The following CSMD1 variants were observed in gnomAD, a reference collection of about 807,000 sequenced individuals.
CSMD1 encodes CUB and sushi domain-containing protein 1.
In CSMD1, 213 loss-of-function variants were observed where a neutral mutation model predicts 417.5. The ratio of observed to expected loss-of-function variants is 0.51; its 90% CI spans 0.46 to 0.57. The LOEUF (loss-of-function observed/expected upper bound fraction) is 0.57, where lower values mean the gene tolerates loss of function less well. Ranked by LOEUF, CSMD1 falls within the 20% of genes least tolerant of loss-of-function variation. The probability of loss-of-function intolerance (pLI) is 0.00; values close to 1 mark genes in which losing one functional copy is unlikely to be tolerated. For synonymous variants in CSMD1, 2,862 were observed against 1,736.8 expected, an observed-to-expected ratio of 1.65 and a Z score of -16.11; for missense variants, 6,923 against 4,529.7, an observed-to-expected ratio of 1.53 and a Z score of -15.17.
intron 24 of CSMD1, 103 bp downstream of exon 24, chr8:3,308,209 G>A (rs1239657776): frequency 1.1e-6 from 1 of 873,352 alleles, no homozygotes; most frequent in African/African-American, 1.7e-5. Flanking sequence ...TGGAAAGTGT[G>A]ATAAAATTCC....
At chr8:4,780,593 T>C (rs984148432) in intron 1 of CSMD1, among the ~76,000 whole-genome samples, 1 of 150,424 alleles carries the variant, frequency 6.6e-6, no homozygotes, top group Non-Finnish European at 1.5e-5. Context: ...CCATAAGTTA[T>C]TGGGGTACAG....
At chr8:4,708,773 T>C (rs1247107256) in intron 1 of CSMD1, among the ~76,000 whole-genome samples, 1 of 152,126 alleles carries the variant, frequency 6.6e-6, no homozygotes, top group Non-Finnish European at 1.5e-5. Flanking sequence ...TGGGACTATA[T>C]TTGGAGAGAA....
At chr8:4,925,067 G>C (rs1806762350) in intron 1 of CSMD1, among the ~76,000 whole-genome samples, 2 of 152,244 alleles carry the variant, frequency 1.3e-5, no homozygotes, top group African/African-American at 2.4e-5. Flanking sequence ...AGTTTGGGTT[G>C]TTATCAAGCA....
chr8:3,431,266 G>A (rs964224709), intron 12 of CSMD1, among the ~76,000 whole-genome samples: 27 of 152,080 alleles, frequency 1.8e-4, no homozygotes, highest in African/African-American at 6.0e-4. Flanking sequence ...CCTCCCATGT[G>A]CAGATGTCAC....
chr8:4,562,192 A>T (rs1798372899), intron 2 of CSMD1, among the ~76,000 whole-genome samples: 1 of 152,170 alleles, frequency 6.6e-6, no homozygotes. Flanking sequence ...AAGAAACTAG[A>T]AACAGACACT....
intron 3 of CSMD1, among the ~76,000 whole-genome samples, chr8:4,213,791 C>A (rs144021197): frequency 6.6e-6 from 1 of 152,012 alleles, no homozygotes; most frequent in Non-Finnish European, 1.5e-5. Flanking sequence ...GAGGGTGGAA[C>A]GCAAACTAAC....
At chr8:3,048,986 G>A (rs867534924) in intron 50 of CSMD1, among the ~76,000 whole-genome samples, 1 of 151,906 alleles carries the variant, frequency 6.6e-6, no homozygotes, top group Non-Finnish European at 1.5e-5. Context: ...AAAAGATGCT[G>A]CACATCATGC....
At chr8:3,994,673 A>C (rs895334723) in intron 5 of CSMD1, among the ~76,000 whole-genome samples, 1 of 152,168 alleles carries the variant, frequency 6.6e-6, no homozygotes, top group Non-Finnish European at 1.5e-5. Context: ...ATGAGGCTTA[A>C]ATTACGAACC....
At chr8:4,854,066 C>T (rs539114405) in intron 1 of CSMD1, among the ~76,000 whole-genome samples, 42 of 152,114 alleles carry the variant, frequency 2.8e-4, no homozygotes, top group Middle Eastern at 6.8e-3. Context: ...ACAGGGGGAA[C>T]GAACTCATCT....
intron 7 of CSMD1, among the ~76,000 whole-genome samples, chr8:3,677,860 C>T (rs566790460): frequency 1.3e-5 from 2 of 152,158 alleles, no homozygotes; most frequent in Non-Finnish European, 2.9e-5. Context: ...AACCCCCTTG[C>T]TGAAGCCATT....
chr8:4,145,349 A>G (rs1804047350), intron 3 of CSMD1, among the ~76,000 whole-genome samples: 1 of 151,124 alleles, frequency 6.6e-6, no homozygotes, highest in Non-Finnish European at 1.5e-5. Flanking sequence ...CCAATATGTC[A>G]GAAAGATCTG....
At chr8:3,607,675 G>A (rs895049385) in intron 8 of CSMD1, among the ~76,000 whole-genome samples, 1 of 152,086 alleles carries the variant, frequency 6.6e-6, no homozygotes, top group Non-Finnish European at 1.5e-5. Context: ...GTGTATGACT[G>A]GATATTCTAT....
At chr8:3,090,237 A>C (rs1044874988) in intron 48 of CSMD1, among the ~76,000 whole-genome samples, 3 of 147,386 alleles carry the variant, frequency 2.0e-5, no homozygotes, top group Non-Finnish European at 4.4e-5. Context: ...GAATGGCCTG[A>C]ACCCGGGAGG....
In CSMD1 at chr8:3,102,448, C is replaced by T. The variant is rs140090765; in HGVS notation, c.6949+4080G>A. Reference sequence around the variant, plus strand: ...TGGAGTGGGGCTTGGGAAACTTCAGCGTGAGTAAAAGTCGGCAAATTTTGT... The same window carrying T: ...TGGAGTGGGGCTTGGGAAACTTCAGTGTGAGTAAAAGTCGGCAAATTTTGT... On this transcript the variant is annotated intron_variant, in intron 46 of 69. Transcript: ENST00000635120. Among the ~76,000 whole-genome samples the T allele has an allele frequency of 9.3e-4, 141 of 152,238 alleles. No homozygotes were observed. The East Asian group carries it at 0.021, about 23-fold the overall frequency.
intron 22 of CSMD1, among the ~76,000 whole-genome samples, chr8:3,347,160 G>A (rs1235319370): frequency 2.6e-5 from 4 of 152,250 alleles, no homozygotes; most frequent in Non-Finnish European, 5.9e-5. Flanking sequence ...GTGCTGGGCC[G>A]CATGTGGCCT....
intron 3 of CSMD1, among the ~76,000 whole-genome samples, chr8:4,113,963 A>G (rs1166286369): frequency 1.3e-5 from 2 of 152,232 alleles, no homozygotes; most frequent in African/African-American, 2.4e-5. Flanking sequence ...TCCATAATAT[A>G]AAAGTTCCAG....
At chr8:3,046,568 G>C (rs977025831) in intron 50 of CSMD1, among the ~76,000 whole-genome samples, 1 of 152,216 alleles carries the variant, frequency 6.6e-6, no homozygotes, top group Admixed American at 6.5e-5. Flanking sequence ...TCTATGTACA[G>C]GCTGCTGGAA....
chr8:4,842,246 G>C (rs975222531), intron 1 of CSMD1, among the ~76,000 whole-genome samples: 2 of 152,158 alleles, frequency 1.3e-5, no homozygotes, highest in African/African-American at 4.8e-5. Context: ...GGAAGTCAAA[G>C]CTTATTTTCA....
chr8:4,464,416 C>G (rs1026999019), intron 2 of CSMD1, among the ~76,000 whole-genome samples: 1 of 152,188 alleles, frequency 6.6e-6, no homozygotes, highest in Non-Finnish European at 1.5e-5. Flanking sequence ...GTAGCTTAGC[C>G]TTGCCTACCT....
Sources: gnomAD v4.1 joint callset for allele counts (sites outside exome capture counted in the v4.1 genomes callset) on GRCh38, gnomAD v4.1.1 for gene constraint, MANE v1.5 for transcripts, NCBI Gene and HGNC (gene_info 2026-07-23, HGNC 2026-07-21) for gene names.